The following NOX4 variants were observed in gnomAD, a reference collection of about 807,000 sequenced individuals.
The protein encoded by NOX4 is kidney oxidase-1.
In NOX4, 69 loss-of-function variants were observed where a neutral mutation model predicts 87.6. That is an observed-to-expected ratio of 0.79 (90% CI 0.65 to 0.96). The LOEUF (loss-of-function observed/expected upper bound fraction) is 0.96. Ranked by LOEUF, NOX4 falls within the 40% of genes least tolerant of loss-of-function variation. NOX4 has a pLI of 0.00. For missense variants in NOX4, 680 were observed against 681.5 expected, an observed-to-expected ratio of 1.00 and a Z score of 0.02; for synonymous variants, 275 against 238.2, an observed-to-expected ratio of 1.15 and a Z score of -1.42.
intron 2 of NOX4, among the ~76,000 whole-genome samples, chr11:89,453,187 CTT>C (rs1945044881): frequency 6.6e-6 from 1 of 152,168 alleles, no homozygotes; most frequent in Non-Finnish European, 1.5e-5. Context: ...CTAACCGAAA[CTT>C]TGTACACTCT....
At chr11:89,490,933 G>T (rs3816123) in intron 1 of NOX4, 420,127 of 705,108 alleles carry the variant, frequency 0.6, 132,243 homozygotes, top group Non-Finnish European at 0.69. Flanking sequence ...CTGTATTCAC[G>T]GAAAATGACC....
intron 12 of NOX4, among the ~76,000 whole-genome samples, chr11:89,364,483 T>G (rs1327614864): frequency 6.6e-6 from 1 of 152,018 alleles, no homozygotes; most frequent in Non-Finnish European, 1.5e-5. Context: ...AAACTATCTT[T>G]TTTGCAAATA....
chr11:89,506,297 A>AGAAAGAGAAAG, the NOX4 span, among the ~76,000 whole-genome samples: 1 of 144,862 alleles, frequency 6.9e-6, no homozygotes, highest in Non-Finnish European at 1.5e-5. Flanking sequence ...GAAAGAAAGA[A>AGAAAGAGAAAG]AGAAAGAGAG....
the NOX4 span, among the ~76,000 whole-genome samples, chr11:89,515,890 T>C: frequency 6.6e-6 from 1 of 152,122 alleles, no homozygotes; most frequent in South Asian, 2.1e-4. Flanking sequence ...TACCTGAAAA[T>C]GTCCCAAATT....
rs573406472 is a variant in NOX4 at position 89,475,866 on chromosome 11, C to T, written c.153+14592G>A. 3.3e-5 allele frequency among the ~76,000 whole-genome samples: 5 copies of T among 152,156 alleles called. No individual in the cohort carries two copies. In the South Asian group the frequency reaches 8.3e-4, roughly 25 times the overall value. ...CTGGCCCCAAACATTAAGTATTATCCAACCTCTGGTTCGCTGGTGATATCA... is the reference window on the plus strand; with the variant it reads ...CTGGCCCCAAACATTAAGTATTATCTAACCTCTGGTTCGCTGGTGATATCA... On this transcript the variant is annotated intron_variant, in intron 2 of 17. Transcript: ENST00000263317.
chr11:89,327,991 C>T lies in NOX4; in HGVS notation c.1617-1115G>A, dbSNP rs190120304. Among the ~76,000 whole-genome samples the T allele has an allele frequency of 1.4e-3, 207 of 152,264 alleles. 1 individual carries two copies. The highest frequency in any genetic ancestry group is 4.6e-3 in the African/African-American group (192 of 41,564). On this transcript the variant is annotated intron_variant, in intron 17 of 17. Transcript: ENST00000263317. ...AGAAAAGGGAAGAAAACAAGCTAAG[C>T]ACCGTCACTCTCTTTGCTTATTGCC...
intron 7 of NOX4, among the ~76,000 whole-genome samples, chr11:89,428,376 C>T (rs554385559): frequency 3.4e-4 from 52 of 152,168 alleles, no homozygotes; most frequent in African/African-American, 1.0e-3. Flanking sequence ...CAATATTAAC[C>T]TTAAATGTAA....
chr11:89,496,334 A>G (rs368951134), upstream of NOX4, among the ~76,000 whole-genome samples: 9 of 152,346 alleles, frequency 5.9e-5, 1 homozygote, highest in African/African-American at 2.2e-4. Flanking sequence ...TGTGAAGGCA[A>G]TTTAAGAACT....
intron 13 of NOX4, among the ~76,000 whole-genome samples, chr11:89,348,065 T>C (rs2134943766): frequency 6.6e-6 from 1 of 152,196 alleles, no homozygotes; most frequent in East Asian, 1.9e-4. Flanking sequence ...TGCTCGAGGC[T>C]AGGAGTTCAA....
chr11:89,506,189 C>A, the NOX4 span, among the ~76,000 whole-genome samples: 2 of 143,418 alleles, frequency 1.4e-5, no homozygotes, highest in African/African-American at 5.2e-5. Flanking sequence ...AGTTTTGAAA[C>A]ATTTGGATGT....
chr11:89,409,920 T>C (rs1942386106), intron 8 of NOX4, among the ~76,000 whole-genome samples: 1 of 151,854 alleles, frequency 6.6e-6, no homozygotes. Flanking sequence ...AAAAGTGAAA[T>C]AAAACAAATC....
intron 8 of NOX4, among the ~76,000 whole-genome samples, chr11:89,415,541 G>A (rs1227400613): frequency 1.3e-5 from 2 of 152,096 alleles, no homozygotes; most frequent in East Asian, 3.9e-4. Flanking sequence ...TCTAATGAAA[G>A]TTGAGAAACT....
intron 13 of NOX4, among the ~76,000 whole-genome samples, chr11:89,350,250 A>T (rs1946399788): frequency 6.6e-6 from 1 of 152,188 alleles, no homozygotes; most frequent in Non-Finnish European, 1.5e-5. Context: ...GTTCCCAAGC[A>T]CCATTGCAGG....
rs113480992 is a variant in NOX4, at chr11:89,418,422, GAATAATAAT to G, written c.629+3471_629+3479del. Among the ~76,000 whole-genome samples, 818 of 139,742 alleles carry G rather than the reference GAATAATAAT, an allele frequency of 5.9e-3. 5 individuals are homozygous for G. The highest frequency in any genetic ancestry group is 0.013 in the African/African-American group (485 of 38,678). 91.7% of individuals were successfully genotyped at this position (139,742 alleles called of 152,430 possible). A position where few individuals can be genotyped will look rare whatever the true frequency, so the allele number is the denominator to read the frequency against. ...TCCTATTCTCTCAGCTGAACATTGA[GAATAATAAT>G]AATAATAATAATAATAATAATAATA... On this transcript the variant is annotated intron_variant, in intron 8 of 17. Transcript: ENST00000263317.
upstream of NOX4, among the ~76,000 whole-genome samples, chr11:89,493,944 G>A (rs992682082): frequency 2.6e-4 from 39 of 151,994 alleles, no homozygotes; most frequent in Middle Eastern, 3.4e-3. Context: ...TAGTAGAGAC[G>A]GGGTTTCACC....
chr11:89,433,510 C>G (rs1253461196), intron 6 of NOX4, among the ~76,000 whole-genome samples: 1 of 152,004 alleles, frequency 6.6e-6, no homozygotes, highest in African/African-American at 2.4e-5. Flanking sequence ...TCTCCTTCCT[C>G]TTATGAAACT....
intron 2 of NOX4, among the ~76,000 whole-genome samples, chr11:89,454,234 AAT>A (rs1489277504): frequency 1.3e-5 from 2 of 152,066 alleles, no homozygotes; most frequent in Non-Finnish European, 1.5e-5. Context: ...GACCAGGGTA[AAT>A]ATTTCTAAAA....
At chr11:89,413,898 T>C (rs773436569) in intron 8 of NOX4, among the ~76,000 whole-genome samples, 3 of 152,104 alleles carry the variant, frequency 2.0e-5, no homozygotes, top group Non-Finnish European at 2.9e-5. Context: ...TAAACATATA[T>C]GCCTACTATG....
chr11:89,506,356 AG>A, the NOX4 span, among the ~76,000 whole-genome samples: 3 of 151,646 alleles, frequency 2.0e-5, no homozygotes, highest in Admixed American at 2.0e-4. Flanking sequence ...AAAAGAACGA[AG>A]GAAGAAAGGA....
Sources: gnomAD v4.1 joint callset for allele counts (sites outside exome capture counted in the v4.1 genomes callset) on GRCh38, gnomAD v4.1.1 for gene constraint, MANE v1.5 for transcripts, NCBI Gene and HGNC (gene_info 2026-07-23, HGNC 2026-07-21) for gene names.